STK33: variants seen among roughly 807,000 people sequenced by gnomAD.
STK33 encodes serine/threonine kinase 33.
A neutral mutation model predicts 58.0 loss-of-function variants in STK33; 52 were observed. The ratio of observed to expected loss-of-function variants is 0.90; its 90% confidence interval spans 0.72 to 1.13. STK33 has a LOEUF of 1.13. STK33 is among the 50% of genes most tolerant of loss of function. STK33 has a pLI of 0.00. For missense variants in STK33, 630 were observed against 604.2 expected (o/e 1.04, Z -0.45); for synonymous variants, 215 against 200.1 (o/e 1.07, Z -0.63).
chr11:8,483,874 GTTCT>G (rs944126179), intron 1 of STK33, among the ~76,000 whole-genome samples: 29 of 152,086 alleles, frequency 1.9e-4, no homozygotes, highest in African/African-American at 6.5e-4. Flanking sequence ...GAAATATTAA[GTTCT>G]TTATTTTATA....
chr11:8,369,059 G>A, the STK33 span, among the ~76,000 whole-genome samples: 1 of 152,174 alleles, frequency 6.6e-6, no homozygotes, highest in African/African-American at 2.4e-5. Flanking sequence ...ACACATCTCG[G>A]TTCACTGCCA....
chr11:8,447,789 C>T (rs1375682077), intron 11 of STK33, among the ~76,000 whole-genome samples: 3 of 152,062 alleles, frequency 2.0e-5, no homozygotes, highest in Admixed American at 6.5e-5. Flanking sequence ...CTGGCCAGGA[C>T]AATCAGGCAG....
chr11:8,443,698 G>T (rs565366021), intron 11 of STK33, among the ~76,000 whole-genome samples: 102 of 152,028 alleles, frequency 6.7e-4, no homozygotes, highest in African/African-American at 2.4e-3. Context: ...AACTTAGGAA[G>T]TTATAATAAA....
chr11:8,454,898 G>A, intron 9 of STK33, 66 bp from the exon 10 acceptor site: 2 of 1,389,450 alleles, frequency 1.4e-6, no homozygotes, highest in Non-Finnish European at 1.9e-6. Context: ...GACACATATA[G>A]ATTAAATATA....
chr11:8,487,472 T>C (rs1372368183), intron 1 of STK33, among the ~76,000 whole-genome samples: 2 of 146,592 alleles, frequency 1.4e-5, no homozygotes, highest in African/African-American at 2.5e-5. Flanking sequence ...AGTTACTTCA[T>C]AGAAAAGGCA....
At chr11:8,467,128 A>G (rs1477930031) in intron 6 of STK33, 2 of 152,172 alleles carry the variant, frequency 1.3e-5, no homozygotes, top group Non-Finnish European at 2.9e-5. Context: ...CATGCCCTGG[A>G]GACATTTTTC....
intron 12 of STK33, among the ~76,000 whole-genome samples, chr11:8,438,852 T>C (rs1944386061): frequency 6.6e-6 from 1 of 152,210 alleles, no homozygotes; most frequent in South Asian, 2.1e-4. Context: ...TTTTGCACTA[T>C]GATTTTAATC....
chr11:8,543,274 G>A (rs77607097), intron 1 of STK33, among the ~76,000 whole-genome samples: 124 of 152,284 alleles, frequency 8.1e-4, no homozygotes, highest in Non-Finnish European at 1.6e-3. Context: ...AATGTCTTCA[G>A]TGATTAAGAG....
chr11:8,514,755 A>C (rs1952627666), intron 1 of STK33, among the ~76,000 whole-genome samples: 1 of 152,256 alleles, frequency 6.6e-6, no homozygotes. Context: ...ACCTCAGATT[A>C]TCTCTGCAAA....
At chr11:8,559,219 C>T (rs1205664649) in intron 1 of STK33, among the ~76,000 whole-genome samples, 1 of 152,166 alleles carries the variant, frequency 6.6e-6, no homozygotes, top group African/African-American at 2.4e-5. Flanking sequence ...TCATCATGAG[C>T]ATTATCACTA....
the STK33 span, among the ~76,000 whole-genome samples, chr11:8,379,220 T>C: frequency 2.0e-5 from 3 of 152,120 alleles, no homozygotes; most frequent in African/African-American, 7.2e-5. Context: ...AAAACTCTCC[T>C]GCACATTGGC....
At chr11:8,528,342 T>C (rs1464185744) in intron 1 of STK33, among the ~76,000 whole-genome samples, 2 of 152,234 alleles carry the variant, frequency 1.3e-5, no homozygotes, top group African/African-American at 4.8e-5. Context: ...GAACTTGTGA[T>C]ACAAAAAACA....
rs1377989302 is a variant in STK33, at chr11:8,413,595, T to C, written c.1244A>G (p.Glu415Gly). The change falls in exon 15 of 16, where the codon GAG becomes GGG. Residue 415 changes from glutamate (E) to glycine (G), a missense_variant. By Grantham distance (98) the Glu-to-Gly change is moderately conservative. Coordinates refer to ENST00000687296, the MANE Select transcript of STK33 (RefSeq NM_001352389.2). ...PESVEENTTE[E>G]KNKPSTEEKL... is the part of the protein sequence containing the mutation. ...TTCTTCAGTGGACGGCTTATTCTTC[T>C]CTTCTGTTGTGTTTTCCTCAACACT... is the stretch of plus-strand genomic sequence containing the variant. 1.9e-6 allele frequency: 3 copies of C among 1,614,122 alleles called. No homozygotes were observed. Among genetic ancestry groups the C allele is most frequent in the South Asian group, 1.1e-5 (1 of 91,082 alleles).
intron 1 of STK33, among the ~76,000 whole-genome samples, chr11:8,489,272 G>GAAAAAAAAAAAAAAAAAAAAAAAAA (rs60919146): frequency 4.0e-5 from 5 of 126,566 alleles, no homozygotes; most frequent in Non-Finnish European, 3.3e-5. Context: ...AAAAAAAAAA[G>GAAAAAAAAAAAAAAAAAAAAAAAAA]AAAAAAAAAA....
intron 1 of STK33, among the ~76,000 whole-genome samples, chr11:8,510,794 T>C (rs1952253117): frequency 6.6e-6 from 1 of 152,190 alleles, no homozygotes; most frequent in Admixed American, 6.5e-5. Flanking sequence ...GTATGCTTTG[T>C]TGAAGGTCAG....
intron 6 of STK33, among the ~76,000 whole-genome samples, chr11:8,471,221 A>T (rs899082584): frequency 6.6e-6 from 1 of 152,184 alleles, no homozygotes; most frequent in African/African-American, 2.4e-5. Context: ...TCTAAATAGA[A>T]CCACAATTTG....
intron 14 of STK33, among the ~76,000 whole-genome samples, chr11:8,417,872 A>C (rs572900297): frequency 3.9e-5 from 6 of 152,272 alleles, no homozygotes; most frequent in African/African-American, 1.4e-4. Flanking sequence ...GTAAATTAGC[A>C]ATACTTGATC....
At chr11:8,400,009 G>C (rs1160636936) in intron 15 of STK33, among the ~76,000 whole-genome samples, 1 of 152,200 alleles carries the variant, frequency 6.6e-6, no homozygotes, top group Non-Finnish European at 1.5e-5. Flanking sequence ...TCCAGGACCA[G>C]ATGGATTCAC....
At chr11:8,457,778 G>A (rs891611405) in intron 8 of STK33, among the ~76,000 whole-genome samples, 1 of 152,210 alleles carries the variant, frequency 6.6e-6, no homozygotes, top group Non-Finnish European at 1.5e-5. Flanking sequence ...AATGCCCCTT[G>A]AGAAGAAATA....
Sources: gnomAD v4.1 joint callset for allele counts (sites outside exome capture counted in the v4.1 genomes callset) on GRCh38, gnomAD v4.1.1 for gene constraint, MANE v1.5 for transcripts, NCBI Gene and HGNC (gene_info 2026-07-23, HGNC 2026-07-21) for gene names.